Variants in TTC27 observed in about 807,000 individuals in gnomAD.
TTC27 encodes tetratricopeptide repeat protein 27.
Under a neutral mutation model 115.9 loss-of-function variants are expected in TTC27, and 79 were observed. The ratio of observed to expected loss-of-function variants is 0.68; its 90% CI spans 0.57 to 0.82. The LOEUF is 0.82. TTC27 is among the 40% of genes least tolerant of loss of function. The probability of loss-of-function intolerance (pLI) is 0.00; values close to 1 mark genes in which losing one functional copy is unlikely to be tolerated. For missense variants in TTC27, 1,054 were observed against 993.1 expected (o/e 1.06, Z -0.82); for synonymous variants, 401 against 356.0 (o/e 1.13, Z -1.42).
intron 9 of TTC27, among the ~76,000 whole-genome samples, chr2:32,682,716 T>G (rs1248846575): frequency 6.7e-6 from 1 of 148,198 alleles, no homozygotes; most frequent in Non-Finnish European, 1.5e-5. Context: ...TCGCCCAGGC[T>G]GGAATGCAAT....
intron 10 of TTC27, among the ~76,000 whole-genome samples, chr2:32,708,304 G>GTTTTTTTTTTGTT: frequency 1.6e-5 from 1 of 61,356 alleles, no homozygotes; most frequent in Non-Finnish European, 3.1e-5. Context: ...TCTCTACCTT[G>GTTTTTTTTTTGTT]TTTTTTTTTT....
intron 5 of TTC27, among the ~76,000 whole-genome samples, chr2:32,653,534 C>T (rs925612313): frequency 3.4e-5 from 5 of 147,248 alleles, no homozygotes; most frequent in Non-Finnish European, 5.9e-5. Flanking sequence ...GTAGAGGTTA[C>T]AGTGAGCCGA....
At chr2:32,684,560 T>C (rs1379977275) in intron 9 of TTC27, among the ~76,000 whole-genome samples, 1 of 152,172 alleles carries the variant, frequency 6.6e-6, no homozygotes, top group Non-Finnish European at 1.5e-5. Flanking sequence ...TCTTTGGAAG[T>C]TACACATTAT....
intron 12 of TTC27, among the ~76,000 whole-genome samples, chr2:32,746,274 A>T (rs961528511): frequency 6.6e-6 from 1 of 152,156 alleles, no homozygotes; most frequent in Non-Finnish European, 1.5e-5. Context: ...ATAAGAATGC[A>T]CATCTGGCCA....
At chr2:32,791,885 G>T (rs1461021868) in intron 16 of TTC27, among the ~76,000 whole-genome samples, 1 of 151,968 alleles carries the variant, frequency 6.6e-6, no homozygotes, top group East Asian at 1.9e-4. Context: ...AAAAAAATAT[G>T]AAATAAAATA....
At chr2:32,798,468 C>T (rs1670792370) in intron 16 of TTC27, among the ~76,000 whole-genome samples, 2 of 151,524 alleles carry the variant, frequency 1.3e-5, no homozygotes, top group South Asian at 2.1e-4. Flanking sequence ...CTTTGGGAGG[C>T]CGAGGCGGGC....
At chr2:32,744,372 C>A (rs745741815) in intron 12 of TTC27, among the ~76,000 whole-genome samples, 1 of 152,130 alleles carries the variant, frequency 6.6e-6, no homozygotes, top group Non-Finnish European at 1.5e-5. Context: ...TAATTTTTTT[C>A]TCTTTGACCT....
In TTC27 at chr2:32,758,517, C is replaced by A. The variant is rs765758663; in HGVS notation, c.1678C>A (p.Gln560Lys). The A allele has an allele frequency of 3.7e-6, 6 of 1,613,726 alleles. No individual in the cohort carries two copies. The African/African-American group carries it at 6.7e-5, about 18-fold the overall frequency. ...ACGCTCGGTTAAGATTAATCCCATG[C>A]AGGTTAGACAACTCATAACCCCCTG... ...FERSVKINPM[Q>K]LGVWFSLGCA... Residue 560 changes from glutamine to lysine, a missense_variant and splice_region_variant, in exon 13 of 20, where the codon CAG becomes AAG. Coordinates refer to ENST00000317907, the MANE Select transcript of TTC27 (RefSeq NM_017735.5).
Position 32,812,635 on chromosome 2 carries a change from A to T in TTC27, c.2308+20A>T, listed in dbSNP as rs753806924. 3.8e-6 allele frequency: 6 copies of T among 1,560,266 alleles called. No individual in the cohort carries two copies. Among genetic ancestry groups the T allele is most frequent in the Non-Finnish European group, 4.4e-6 (5 of 1,131,504 alleles). ...CACATGGTATTTGATGTAACATTTG[A>T]TATCCATGGAATGTTTTGACTTATT... On this transcript the variant is annotated intron_variant, in intron 18 of 19. Transcript: ENST00000317907.
At chr2:32,639,458 A>G (rs1450651468) in intron 3 of TTC27, among the ~76,000 whole-genome samples, 1 of 151,842 alleles carries the variant, frequency 6.6e-6, no homozygotes, top group Non-Finnish European at 1.5e-5. Flanking sequence ...TCTGCATTTG[A>G]TGCATGAGAC....
intron 16 of TTC27, among the ~76,000 whole-genome samples, chr2:32,805,257 A>G (rs1051382650): frequency 1.3e-5 from 2 of 152,212 alleles, no homozygotes; most frequent in African/African-American, 4.8e-5. Flanking sequence ...TGGGTGGGTT[A>G]CATGTGCTCA....
intron 11 of TTC27, 54 bp from the exon 12 acceptor site, chr2:32,736,640 A>T: frequency 6.2e-7 from 1 of 1,607,400 alleles, no homozygotes; most frequent in East Asian, 2.2e-5. Context: ...CAAGTGAAAC[A>T]GGAATCTCTT....
intron 12 of TTC27, among the ~76,000 whole-genome samples, chr2:32,738,791 T>A (rs1480150219): frequency 6.6e-6 from 1 of 152,228 alleles, no homozygotes; most frequent in African/African-American, 2.4e-5. Flanking sequence ...CATTTACTTT[T>A]CTTTAAAAGC....
rs1436491423 is a variant in TTC27 at position 32,640,286 on chromosome 2, C to G, written c.413C>G (p.Ala138Gly). 1 of 1,613,852 alleles carries G rather than the reference C, an allele frequency of 6.2e-7. No individual in the cohort carries two copies. Among genetic ancestry groups the G allele is most frequent in the Non-Finnish European group, 8.5e-7 (1 of 1,179,934 alleles). ...QQFSEVKGLD[A>G]FVLSLLTLDG... ...TTTTTTCAGGTTAAAGGACTGGATG[C>G]ATTTGTTCTGAGCCTGCTCACTCTA... The change falls in exon 4 of 20, where the codon GCA (alanine) becomes GGA (glycine). Residue 138 changes from alanine to glycine, a missense_variant. By Grantham distance (60) the Ala-to-Gly change is moderately conservative. Transcript: ENST00000317907.
At chr2:32,776,853 G>A (rs373591995) in intron 13 of TTC27, among the ~76,000 whole-genome samples, 24 of 152,032 alleles carry the variant, frequency 1.6e-4, no homozygotes, top group Non-Finnish European at 2.8e-4. Flanking sequence ...CAAGTGATCC[G>A]CCCACCTCGG....
At chr2:32,765,516 T>A (rs1437307114) in intron 13 of TTC27, among the ~76,000 whole-genome samples, 4 of 152,162 alleles carry the variant, frequency 2.6e-5, no homozygotes, top group Non-Finnish European at 4.4e-5. Context: ...TGTGGGATTT[T>A]CGGGTGGTGA....
chr2:32,653,920 T>G (rs1665226832), intron 5 of TTC27, among the ~76,000 whole-genome samples: 4 of 152,352 alleles, frequency 2.6e-5, no homozygotes, highest in Admixed American at 2.6e-4. Context: ...TTATCTATCT[T>G]CAAAGCTCAA....
At chr2:32,728,775 A>G (rs1198239937) in intron 10 of TTC27, among the ~76,000 whole-genome samples, 1 of 152,140 alleles carries the variant, frequency 6.6e-6, no homozygotes. Context: ...AATAAGTTTA[A>G]TGATGGTGTT....
intron 12 of TTC27, among the ~76,000 whole-genome samples, chr2:32,737,653 G>A (rs1046109851): frequency 6.6e-6 from 1 of 152,066 alleles, no homozygotes; most frequent in African/African-American, 2.4e-5. Flanking sequence ...TGGCAGTGAA[G>A]GTCTTTGAAT....
Sources: gnomAD v4.1 joint callset for allele counts (sites outside exome capture counted in the v4.1 genomes callset) on GRCh38, gnomAD v4.1.1 for gene constraint, MANE v1.5 for transcripts, NCBI Gene and HGNC (gene_info 2026-07-23, HGNC 2026-07-21) for gene names.